The following CCDC7 variants were observed in gnomAD, a reference collection of about 807,000 sequenced individuals.
CCDC7 encodes the protein coiled-coil domain containing 7, also known as coiled-coil domain-containing protein 7.
Under a neutral mutation model 196.9 loss-of-function variants are expected in CCDC7, and 183 were observed. The ratio of observed to expected loss-of-function variants is 0.93; its 90% CI spans 0.82 to 1.05. The LOEUF is 1.05. Ranked by LOEUF, CCDC7 falls within the 50% of genes least tolerant of loss-of-function variation. The probability of loss-of-function intolerance (pLI) is 0.00; values close to 1 mark genes in which losing one functional copy is unlikely to be tolerated. For missense variants in CCDC7, 1,540 were observed against 1,482.2 expected (o/e 1.04, Z -0.64); for synonymous variants, 525 against 484.6 (o/e 1.08, Z -1.10).
intron 28 of CCDC7, among the ~76,000 whole-genome samples, chr10:32,737,537 A>G (rs1234044295): frequency 6.6e-6 from 1 of 152,156 alleles, no homozygotes; most frequent in African/African-American, 2.4e-5. Flanking sequence ...CATCAATTAG[A>G]TCCAGTTGAT....
At chr10:32,819,313 G>A (rs552849782) in intron 31 of CCDC7, among the ~76,000 whole-genome samples, 1 of 152,106 alleles carries the variant, frequency 6.6e-6, no homozygotes, top group African/African-American at 2.4e-5. Flanking sequence ...TGAAATTGAG[G>A]CAATAATTAA....
chr10:32,519,585 A>AT (rs927008847), intron 11 of CCDC7, among the ~76,000 whole-genome samples: 2 of 146,600 alleles, frequency 1.4e-5, no homozygotes, highest in African/African-American at 4.9e-5. Flanking sequence ...ATTTAAAAAA[A>AT]TTTTTATTTT....
chr10:32,511,559 T>C, intron 9 of CCDC7: 1 of 1,607,418 alleles, frequency 6.2e-7, no homozygotes, highest in Non-Finnish European at 8.5e-7. Flanking sequence ...ATTTAATGTG[T>C]ATGCAGAAAC....
exon 1 of CCDC7, chr10:32,446,360 A>G (rs1401620125): frequency 2.0e-5 from 3 of 152,272 alleles, no homozygotes; most frequent in African/African-American, 7.2e-5. Flanking sequence ...CAGCAAGGCC[A>G]AACCGCCCAG....
chr10:32,704,863 A>T (rs1430760078), intron 24 of CCDC7, among the ~76,000 whole-genome samples: 14 of 152,098 alleles, frequency 9.2e-5, no homozygotes, highest in Non-Finnish European at 1.5e-5. Context: ...CTGTTGGAAA[A>T]GCGCAGTATT....
intron 28 of CCDC7, among the ~76,000 whole-genome samples, chr10:32,734,877 G>A (rs1418109501): frequency 6.6e-6 from 1 of 151,980 alleles, no homozygotes; most frequent in Non-Finnish European, 1.5e-5. Flanking sequence ...CAGCCTGGGT[G>A]ACAGAGTGAG....
intron 9 of CCDC7, among the ~76,000 whole-genome samples, chr10:32,510,636 C>T (rs1270914455): frequency 6.6e-6 from 1 of 152,086 alleles, no homozygotes; most frequent in African/African-American, 2.4e-5. Context: ...TTTTATACAA[C>T]ATTTTCAGCC....
Position 32,729,319 on chromosome 10 carries a change from T to G in CCDC7, c.2780-13T>G. The G allele has an allele frequency of 6.5e-7, 1 of 1,548,782 alleles. No individual in the cohort carries two copies. Among genetic ancestry groups the G allele is most frequent in the Non-Finnish European group, 8.7e-7 (1 of 1,149,282 alleles). The stretch of plus-strand genomic sequence containing the variant: ...CCAGAAGTTCTATTGCACATCTATT[T>G]TTTTCTATTTAGCGTTTCCTTTAGA... On this transcript the variant is annotated splice_polypyrimidine_tract_variant and intron_variant, in intron 27 of 41. Transcript: ENST00000639629.
chr10:32,542,851 T>A (rs1431919589), intron 11 of CCDC7, among the ~76,000 whole-genome samples: 1 of 152,168 alleles, frequency 6.6e-6, no homozygotes, highest in Non-Finnish European at 1.5e-5. Context: ...ATATTTCTCA[T>A]GGTATTTATG....
At chr10:32,618,303 C>CT (rs1480239536) in intron 18 of CCDC7, among the ~76,000 whole-genome samples, 3 of 151,180 alleles carry the variant, frequency 2.0e-5, no homozygotes, top group Non-Finnish European at 4.4e-5. Flanking sequence ...TTTTTATTTT[C>CT]TTCTCTTTTT....
chr10:32,547,780 CATTT>C (rs1407002759), intron 13 of CCDC7, among the ~76,000 whole-genome samples: 2 of 151,894 alleles, frequency 1.3e-5, no homozygotes, highest in Admixed American at 6.6e-5. Flanking sequence ...TTGTTTTTGT[CATTT>C]ATTTATTTTT....
intron 18 of CCDC7, among the ~76,000 whole-genome samples, chr10:32,624,744 G>A (rs2063784998): frequency 6.6e-6 from 1 of 152,068 alleles, no homozygotes; most frequent in South Asian, 2.1e-4. Context: ...GGACAGCACT[G>A]GGTGTGTGTG....
intron 18 of CCDC7, among the ~76,000 whole-genome samples, chr10:32,587,316 A>G (rs140226729): frequency 1.8e-4 from 28 of 152,218 alleles, no homozygotes; most frequent in Non-Finnish European, 3.4e-4. Flanking sequence ...GGGGAGTCCA[A>G]GGTCAAGGGA....
chr10:32,597,043 C>T (rs377391292), intron 18 of CCDC7, among the ~76,000 whole-genome samples: 3 of 152,242 alleles, frequency 2.0e-5, no homozygotes, highest in African/African-American at 7.2e-5. Flanking sequence ...GTGGCGTTCT[C>T]TGTATTTCCC....
intron 8 of CCDC7, among the ~76,000 whole-genome samples, chr10:32,483,964 G>A (rs1183138110): frequency 1.3e-4 from 20 of 152,326 alleles, no homozygotes; most frequent in Non-Finnish European, 2.2e-4. Flanking sequence ...ACTTAGGATT[G>A]ACTTGGCAAT....
At chr10:32,729,393 A>C in exon 28 of CCDC7, 1 of 1,523,004 alleles carries the variant, frequency 6.6e-7, no homozygotes, top group Non-Finnish European at 9.0e-7. Flanking sequence ...CTGAGGAGAA[A>C]GTTTTATTAT....
At chr10:32,508,405 G>A (rs1424562168) in intron 9 of CCDC7, among the ~76,000 whole-genome samples, 1 of 152,084 alleles carries the variant, frequency 6.6e-6, no homozygotes, top group Non-Finnish European at 1.5e-5. Flanking sequence ...ACAAAGAAAC[G>A]GGACAGTATT....
chr10:32,621,566 A>G (rs2063416312), intron 18 of CCDC7, among the ~76,000 whole-genome samples: 1 of 152,180 alleles, frequency 6.6e-6, no homozygotes, highest in Admixed American at 6.5e-5. Context: ...ATGATATGCC[A>G]TCTGGGAAAG....
intron 8 of CCDC7, among the ~76,000 whole-genome samples, chr10:32,488,476 C>T (rs901036487): frequency 1.2e-4 from 19 of 152,154 alleles, no homozygotes; most frequent in East Asian, 1.9e-4. Context: ...ATGCTCGTTG[C>T]GCTGCACCCA....
Sources: allele counts gnomAD v4.1 joint callset (sites outside exome capture counted in the v4.1 genomes callset), GRCh38; gene constraint gnomAD v4.1.1; transcripts MANE v1.5; gene names NCBI Gene and HGNC (gene_info 2026-07-23, HGNC 2026-07-21).